The following CATSPERT variants were observed in gnomAD, a reference collection of about 807,000 sequenced individuals.
CATSPERT encodes the protein cation channel sperm-associated targeting subunit tau.
the CATSPERT span, among the ~76,000 whole-genome samples, chr2:201,566,368 C>G: frequency 9.3e-6 from 1 of 107,408 alleles, no homozygotes; most frequent in Non-Finnish European, 1.8e-5. Flanking sequence ...CCCCCCACCC[C>G]TCACAGGCCC....
chr2:201,607,766 C>T, the CATSPERT span, among the ~76,000 whole-genome samples: 1,203 of 152,276 alleles, frequency 7.9e-3, 17 homozygotes, highest in African/African-American at 0.028. Flanking sequence ...AAAATGCATA[C>T]GTTGCAATCC....
At chr2:201,594,447 A>G in the CATSPERT span, among the ~76,000 whole-genome samples, 1 of 152,026 alleles carries the variant, frequency 6.6e-6, no homozygotes, top group Non-Finnish European at 1.5e-5. Context: ...GAATCTGACC[A>G]TTATGTGTCT....
At chr2:201,614,674 A>G in the CATSPERT span, among the ~76,000 whole-genome samples, 2 of 152,210 alleles carry the variant, frequency 1.3e-5, no homozygotes, top group Admixed American at 1.3e-4. Flanking sequence ...TAACCAGCTA[A>G]CATCATAATG....
the CATSPERT span, among the ~76,000 whole-genome samples, chr2:201,560,152 G>A: frequency 1.3e-5 from 2 of 152,242 alleles, no homozygotes; most frequent in Middle Eastern, 3.4e-3. Context: ...TGTGGGCCAG[G>A]TACGGTGGCT....
the CATSPERT span, among the ~76,000 whole-genome samples, chr2:201,617,241 C>T: frequency 4.6e-5 from 7 of 152,224 alleles, no homozygotes; most frequent in East Asian, 9.6e-4. Flanking sequence ...AAAGAGCCCA[C>T]ATTGCCAAGA....
chr2:201,557,584 G>A, the CATSPERT span: 1 of 152,186 alleles, frequency 6.6e-6, no homozygotes, highest in Non-Finnish European at 1.5e-5. Flanking sequence ...AACAATAGAA[G>A]GCCCAGCACC....
chr2:201,578,190 A>T, the CATSPERT span, among the ~76,000 whole-genome samples: 319 of 152,240 alleles, frequency 2.1e-3, no homozygotes, highest in African/African-American at 7.3e-3. Context: ...GGGAATAATA[A>T]ATACAAAGTT....
chr2:201,604,631 A>G, the CATSPERT span: 1 of 1,599,886 alleles, frequency 6.3e-7, no homozygotes, highest in Non-Finnish European at 8.5e-7. Flanking sequence ...AATGGCACCA[A>G]ATTTGGCGTC....
At chr2:201,534,648 A>G in the CATSPERT span, 2 of 984,896 alleles carry the variant, frequency 2.0e-6, no homozygotes, top group African/African-American at 3.5e-5. Flanking sequence ...TTAAAAGACC[A>G]TTAATACTCA....
chr2:201,487,770 G>GCA, the CATSPERT span: 4 of 1,614,096 alleles, frequency 2.5e-6, no homozygotes, highest in East Asian at 8.9e-5. Flanking sequence ...GCAGTATATG[G>GCA]TCTTGCAGAG....
the CATSPERT span, chr2:201,494,461 A>T: frequency 6.5e-7 from 1 of 1,537,466 alleles, no homozygotes; most frequent in Non-Finnish European, 8.7e-7. Context: ...ATTTTCTTTT[A>T]AACTATTCTT....
At chr2:201,492,419 C>A in the CATSPERT span, 1 of 1,532,420 alleles carries the variant, frequency 6.5e-7, no homozygotes, top group Non-Finnish European at 8.7e-7. Context: ...TCTGATAAAG[C>A]TATCAGATAG....
the CATSPERT span, among the ~76,000 whole-genome samples, chr2:201,533,926 A>G: frequency 0.029 from 4,436 of 152,218 alleles, 118 homozygotes; most frequent in African/African-American, 0.072. Context: ...GAGCTGCCAC[A>G]TAAAAAGCTC....
the CATSPERT span, among the ~76,000 whole-genome samples, chr2:201,516,287 C>A: frequency 3.3e-5 from 5 of 152,300 alleles, no homozygotes; most frequent in South Asian, 6.2e-4. Flanking sequence ...AGAACTGAGA[C>A]TGGGTAATTT....
At chr2:201,545,192 C>T in the CATSPERT span, among the ~76,000 whole-genome samples, 5 of 151,750 alleles carry the variant, frequency 3.3e-5, no homozygotes, top group Admixed American at 6.6e-5. Flanking sequence ...CACCTGCCAC[C>T]GCGCCTGGCT....
the CATSPERT span, among the ~76,000 whole-genome samples, chr2:201,617,799 A>C: frequency 6.6e-6 from 1 of 152,338 alleles, no homozygotes; most frequent in South Asian, 2.1e-4. Flanking sequence ...AAATTTTTGC[A>C]ATCTATCCAT....
At chr2:201,608,545 A>G in the CATSPERT span, among the ~76,000 whole-genome samples, 1 of 152,170 alleles carries the variant, frequency 6.6e-6, no homozygotes, top group South Asian at 2.1e-4. Context: ...CGCTGGACAC[A>G]GTGGCTTATG....
the CATSPERT span, among the ~76,000 whole-genome samples, chr2:201,570,255 A>G: frequency 9.9e-5 from 15 of 152,192 alleles, no homozygotes; most frequent in East Asian, 2.7e-3. Context: ...TGTTCCTTCC[A>G]CCATCATCCC....
chr2:201,540,759 G>A, the CATSPERT span, among the ~76,000 whole-genome samples: 1 of 152,236 alleles, frequency 6.6e-6, no homozygotes, highest in Non-Finnish European at 1.5e-5. Flanking sequence ...GCAGCTCACA[G>A]ATCAAGGAGT....
Sources: gnomAD v4.1 joint callset for allele counts (sites outside exome capture counted in the v4.1 genomes callset) on GRCh38, gnomAD v4.1.1 for gene constraint, MANE v1.5 for transcripts, NCBI Gene and HGNC (gene_info 2026-07-23, HGNC 2026-07-21) for gene names.